The following MEI1 variants were observed in gnomAD, a reference collection of about 807,000 sequenced individuals.
The protein encoded by MEI1 is meiosis inhibitor protein 1.
Under a neutral mutation model 146.2 loss-of-function variants are expected in MEI1, and 103 were observed. The ratio of observed to expected loss-of-function variants is 0.70; its 90% CI spans 0.60 to 0.83. The LOEUF is 0.83. MEI1 is among the 40% of genes least tolerant of loss of function. The pLI is 0.00. For missense variants in MEI1, 1,529 were observed against 1,533.0 expected (o/e 1.00, Z 0.04); for synonymous variants, 652 against 628.2 (o/e 1.04, Z -0.57).
chr22:41,734,930 A>C (rs2072199289), intron 11 of MEI1, among the ~76,000 whole-genome samples: 1 of 151,100 alleles, frequency 6.6e-6, no homozygotes. Context: ...AGCCACTTGC[A>C]CCTGGCCTAC....
intron 7 of MEI1, among the ~76,000 whole-genome samples, chr22:41,724,616 CAA>C (rs545418662): frequency 3.1e-4 from 23 of 74,930 alleles, no homozygotes; most frequent in African/African-American, 2.5e-4. Context: ...GACTCTGTCT[CAA>C]AAAAAAAAAA....
intron 4 of MEI1, among the ~76,000 whole-genome samples, chr22:41,714,301 C>G (rs2069889096): frequency 6.6e-6 from 1 of 152,176 alleles, no homozygotes; most frequent in African/African-American, 2.4e-5. Flanking sequence ...ATGTTACCTC[C>G]ATGCAATGAA....
intron 6 of MEI1, among the ~76,000 whole-genome samples, chr22:41,720,441 T>C (rs1362348227): frequency 1.3e-5 from 2 of 152,098 alleles, no homozygotes; most frequent in African/African-American, 4.8e-5. Context: ...TATTTACTTA[T>C]TTATTTTGAG....
intron 3 of MEI1, among the ~76,000 whole-genome samples, chr22:41,709,776 T>A (rs902426404): frequency 2.6e-5 from 4 of 152,058 alleles, no homozygotes; most frequent in African/African-American, 9.7e-5. Flanking sequence ...TCATTCCAGG[T>A]AGTAGAATAA....
intron 3 of MEI1, among the ~76,000 whole-genome samples, chr22:41,713,498 AG>A (rs1312804050): frequency 6.6e-6 from 1 of 151,760 alleles, no homozygotes; most frequent in Non-Finnish European, 1.5e-5. Flanking sequence ...AAAAAAAAGA[AG>A]CCAGAACTCC....
intron 11 of MEI1, among the ~76,000 whole-genome samples, chr22:41,741,110 A>G (rs908331667): frequency 3.3e-5 from 5 of 152,070 alleles, no homozygotes; most frequent in East Asian, 3.9e-4. Flanking sequence ...AGGGTTTCAT[A>G]TCATAATGTT....
intron 11 of MEI1, among the ~76,000 whole-genome samples, chr22:41,733,859 G>C (rs1354263614): frequency 6.6e-6 from 1 of 152,110 alleles, no homozygotes; most frequent in African/African-American, 2.4e-5. Context: ...ACGTGCGGTG[G>C]CTCATGCCTA....
rs375083333 is a variant in MEI1 at position 41,781,403 on chromosome 22, G to A, written c.2926+9G>A. 3.1e-6 allele frequency: 5 copies of A among 1,599,472 alleles called. No individual in the cohort carries two copies. Among genetic ancestry groups the A allele is most frequent in the Non-Finnish European group, 4.3e-6 (5 of 1,170,826 alleles). ...CAGCAGTCAGAAAAGAGGTGCAGGG[G>A]CCCGGGCTGGGACAGTGAAGAGTGC... On this transcript the variant is annotated intron_variant, in intron 23 of 30. Coordinates refer to ENST00000401548, the MANE Select transcript of MEI1 (RefSeq NM_152513.4).
intron 19 of MEI1, among the ~76,000 whole-genome samples, chr22:41,763,738 A>T (rs978154651): frequency 1.3e-5 from 2 of 151,864 alleles, no homozygotes; most frequent in East Asian, 3.9e-4. Context: ...AGCCTGGGCA[A>T]CATAGTAAGA....
At chr22:41,774,478 C>G (rs2075341506) in intron 20 of MEI1, 1 of 152,204 alleles carries the variant, frequency 6.6e-6, no homozygotes, top group Non-Finnish European at 1.5e-5. Context: ...GGGCTTCAGC[C>G]TCATACTCTG....
intron 20 of MEI1, 46 bp downstream of exon 20, chr22:41,771,007 T>C (rs2075149317): frequency 6.3e-7 from 1 of 1,587,528 alleles, no homozygotes; most frequent in South Asian, 1.2e-5. Flanking sequence ...TCGTGGGCCT[T>C]CTCTCTCTGA....
intron 17 of MEI1, among the ~76,000 whole-genome samples, chr22:41,756,773 C>T (rs571089488): frequency 3.3e-5 from 5 of 152,368 alleles, no homozygotes; most frequent in African/African-American, 1.2e-4. Flanking sequence ...CACGCCTATC[C>T]TTCTTTCCTG....
intron 1 of MEI1, among the ~76,000 whole-genome samples, chr22:41,701,219 G>T (rs543293988): frequency 1.3e-5 from 2 of 152,024 alleles, no homozygotes; most frequent in Non-Finnish European, 2.9e-5. Context: ...GATTAAAGAC[G>T]TGAGCCACCA....
rs368901546 is a variant in MEI1 at position 41,795,693 on chromosome 22, G to A, written c.3667-42G>A. The A allele has an allele frequency of 6.3e-7, 1 of 1,598,832 alleles. No individual in the cohort carries two copies. Among genetic ancestry groups the A allele is most frequent in the Non-Finnish European group, 8.5e-7 (1 of 1,170,142 alleles). ...GGCAGTTAGGGCCTGTGTGGAATGG[G>A]CACTGAGGAGGCCTGTCTTCCCTGC... On this transcript the variant is annotated intron_variant, in intron 29 of 30. Coordinates refer to ENST00000401548, the MANE Select transcript of MEI1 (RefSeq NM_152513.4). The surrounding 1 kb of genome is among the most constrained non-coding windows in gnomAD (Gnocchi z 4.2).
chr22:41,788,227 C>T (rs2076060363), intron 26 of MEI1, among the ~76,000 whole-genome samples: 1 of 152,010 alleles, frequency 6.6e-6, no homozygotes, highest in Non-Finnish European at 1.5e-5. Context: ...TGAGGTTTCA[C>T]CATGTTGGCC....
intron 19 of MEI1, among the ~76,000 whole-genome samples, chr22:41,765,903 T>C (rs2074819023): frequency 6.8e-6 from 1 of 147,998 alleles, no homozygotes; most frequent in Admixed American, 6.7e-5. Context: ...TTTTTTTTTT[T>C]TTTTTAGACG....
intron 3 of MEI1, among the ~76,000 whole-genome samples, chr22:41,707,700 G>A (rs2069200140): frequency 6.6e-6 from 1 of 152,138 alleles, no homozygotes; most frequent in Non-Finnish European, 1.5e-5. Context: ...TGAATGGGAA[G>A]ACTTACATGA....
intron 27 of MEI1, 65 bp from the exon 28 acceptor site, chr22:41,794,306 G>C: frequency 7.3e-7 from 1 of 1,361,300 alleles, no homozygotes; most frequent in African/African-American, 1.4e-5. Context: ...AATAGGAGAA[G>C]GTCCTCTTGA....
At chr22:41,702,880 C>T (rs73424981) in intron 1 of MEI1, among the ~76,000 whole-genome samples, 11,070 of 152,066 alleles carry the variant, frequency 0.073, 1,302 homozygotes, top group African/African-American at 0.25. Flanking sequence ...CCACCATGCC[C>T]GAGTAATTTT....
Sources: gnomAD v4.1 joint callset for allele counts (sites outside exome capture counted in the v4.1 genomes callset) on GRCh38, gnomAD v4.1.1 for gene constraint, Gnocchi (gnomAD v3.1) non-coding constraint, MANE v1.5 for transcripts, NCBI Gene and HGNC (gene_info 2026-07-23, HGNC 2026-07-21) for gene names.